Variants in SOX6 observed in about 807,000 individuals in gnomAD.
SOX6 encodes the protein SRY-box transcription factor 6, also known as transcription factor SOX-6.
SOX6 carries 11 observed loss-of-function variants against 97.8 expected under a neutral mutation model. That is an observed-to-expected ratio of 0.11 (90% CI 0.07 to 0.19). The LOEUF is 0.19. Among genes scored for constraint, SOX6 ranks in the 10% least tolerant of loss-of-function variants. SOX6 has a pLI of 1.00. For missense variants in SOX6, 810 were observed against 1,039.5 expected (o/e 0.78, Z 3.04); for synonymous variants, 360 against 371.4 (o/e 0.97, Z 0.35).
chr11:16,630,142 T>C (rs550445272), intron 3 of SOX6, among the ~76,000 whole-genome samples: 21 of 152,234 alleles, frequency 1.4e-4, no homozygotes, highest in Non-Finnish European at 2.2e-4. Context: ...TTGGGGTTAG[T>C]TTGTTCTTGT....
At chr11:16,320,130 A>C (rs80096024) in intron 2 of SOX6, among the ~76,000 whole-genome samples, 4,985 of 152,222 alleles carry the variant, frequency 0.033, 119 homozygotes, top group Non-Finnish European at 0.055. Flanking sequence ...GCCCTTCAGC[A>C]GCCTTGCATT....
At chr11:16,432,713 G>T (rs116205735) in intron 1 of SOX6, among the ~76,000 whole-genome samples, 1 of 151,960 alleles carries the variant, frequency 6.6e-6, no homozygotes. Context: ...TTGGGGTGAA[G>T]GATCAAGAAT....
At chr11:16,364,784 G>A (rs1003704438) in intron 1 of SOX6, among the ~76,000 whole-genome samples, 1 of 152,068 alleles carries the variant, frequency 6.6e-6, no homozygotes, top group East Asian at 1.9e-4. Context: ...TTAGAAAAGG[G>A]CAGAGGCAGT....
chr11:16,148,643 A>G (rs1850377797), intron 6 of SOX6, among the ~76,000 whole-genome samples: 1 of 152,120 alleles, frequency 6.6e-6, no homozygotes, highest in Non-Finnish European at 1.5e-5. Context: ...TTGCCATCTG[A>G]GCCCTAAGAA....
intron 2 of SOX6, among the ~76,000 whole-genome samples, chr11:16,330,867 A>C (rs990023754): frequency 5.9e-5 from 9 of 152,190 alleles, no homozygotes; most frequent in South Asian, 2.1e-4. Flanking sequence ...AGAGATGAAC[A>C]CAGGCTTTCT....
intron 1 of SOX6, among the ~76,000 whole-genome samples, chr11:16,469,047 G>A (rs186674630): frequency 1.4e-5 from 2 of 146,196 alleles, no homozygotes; most frequent in African/African-American, 2.5e-5. Flanking sequence ...CAACATGGAA[G>A]AATAAAGAAC....
chr11:16,103,125 C>T (rs913461486), intron 7 of SOX6, among the ~76,000 whole-genome samples: 2 of 152,114 alleles, frequency 1.3e-5, no homozygotes, highest in South Asian at 2.1e-4. Flanking sequence ...GCAATCTATA[C>T]ATCCAACAAA....
At chr11:16,257,956 A>G (rs1041985518) in intron 3 of SOX6, among the ~76,000 whole-genome samples, 14 of 151,506 alleles carry the variant, frequency 9.2e-5, no homozygotes, top group Non-Finnish European at 5.9e-5. Context: ...AAGATGTCCA[A>G]TATCATATAT....
At chr11:16,666,418 C>G (rs1399193107) in intron 3 of SOX6, among the ~76,000 whole-genome samples, 2 of 152,080 alleles carry the variant, frequency 1.3e-5, no homozygotes, top group African/African-American at 4.8e-5. Context: ...TTGAAAAATG[C>G]AAATGACATA....
chr11:16,535,209 G>T (rs532279512), intron 4 of SOX6, among the ~76,000 whole-genome samples: 1 of 152,320 alleles, frequency 6.6e-6, no homozygotes, highest in East Asian at 1.9e-4. Context: ...TCTACTACAT[G>T]ATGGTGTTTT....
intron 3 of SOX6, among the ~76,000 whole-genome samples, chr11:16,686,888 G>A (rs888168735): frequency 6.6e-6 from 1 of 152,120 alleles, no homozygotes; most frequent in African/African-American, 2.4e-5. Context: ...GCTTGAACCC[G>A]GGAGGCAGAG....
chr11:16,359,542 T>C (rs1857154550), upstream of SOX6, among the ~76,000 whole-genome samples: 2 of 152,132 alleles, frequency 1.3e-5, no homozygotes, highest in Admixed American at 6.6e-5. Context: ...CTCCTGTCAT[T>C]TGTATTTATC....
At chr11:16,500,349 A>G (rs1388295798) in intron 4 of SOX6, among the ~76,000 whole-genome samples, 1 of 152,230 alleles carries the variant, frequency 6.6e-6, no homozygotes. Flanking sequence ...CCCACAGCCA[A>G]TATCATAGTG....
intron 3 of SOX6, among the ~76,000 whole-genome samples, chr11:16,688,116 G>A (rs527928284): frequency 1.3e-5 from 2 of 151,970 alleles, no homozygotes; most frequent in East Asian, 3.9e-4. Context: ...GGGAACACAG[G>A]TGCACACCAC....
chr11:16,568,133 A>G (rs985436855), intron 4 of SOX6, among the ~76,000 whole-genome samples: 12 of 152,176 alleles, frequency 7.9e-5, no homozygotes, highest in Non-Finnish European at 1.5e-4. Context: ...TATACAAGAC[A>G]TAAGTAAATT....
At chr11:16,066,148 AG>A (rs1848088229) in intron 9 of SOX6, among the ~76,000 whole-genome samples, 1 of 152,220 alleles carries the variant, frequency 6.6e-6, no homozygotes, top group Non-Finnish European at 1.5e-5. Flanking sequence ...AATGGCAAAC[AG>A]GCATATGAAA....
chr11:16,546,362 T>C (rs1484495995), intron 4 of SOX6, among the ~76,000 whole-genome samples: 1 of 152,026 alleles, frequency 6.6e-6, no homozygotes, highest in Non-Finnish European at 1.5e-5. Flanking sequence ...TTAACATATA[T>C]TAGAAGTCAA....
intron 4 of SOX6, among the ~76,000 whole-genome samples, chr11:16,611,644 G>C (rs1334238794): frequency 1.3e-5 from 2 of 152,216 alleles, no homozygotes; most frequent in African/African-American, 4.8e-5. Context: ...AAATAACAGT[G>C]CCCTTGGGAC....
At chr11:16,080,350 T>G (rs1270106790) in intron 9 of SOX6, among the ~76,000 whole-genome samples, 1 of 151,984 alleles carries the variant, frequency 6.6e-6, no homozygotes, top group African/African-American at 2.4e-5. Context: ...AGTAAACCAC[T>G]GTTAACTAGC....
Sources: allele counts gnomAD v4.1 joint callset (sites outside exome capture counted in the v4.1 genomes callset), GRCh38; gene constraint gnomAD v4.1.1; transcripts MANE v1.5; gene names NCBI Gene and HGNC (gene_info 2026-07-23, HGNC 2026-07-21).